The following PHF24 variants were observed in gnomAD, a reference collection of about 807,000 sequenced individuals.
PHF24 encodes PHD finger protein 24.
PHF24 carries 25 observed loss-of-function variants against 42.6 expected under a neutral mutation model. The observed-to-expected ratio is 0.59, with a 90% confidence interval of 0.43 to 0.82. PHF24 has a LOEUF of 0.82. Ranked by LOEUF, PHF24 falls within the 40% of genes least tolerant of loss-of-function variation. The pLI is 0.00. For synonymous variants in PHF24, 185 were observed against 204.8 expected (o/e 0.90, Z 0.83); for missense variants, 470 against 538.1 (o/e 0.87, Z 1.25).
chr9:34,709,307 G>A, the PHF24 span: 92 of 1,524,852 alleles, frequency 6.0e-5, no homozygotes, highest in South Asian at 1.0e-3. Context: ...GGGCCCCTGA[G>A]CATAGCCTCC....
chr9:34,745,485 G>A, the PHF24 span, among the ~76,000 whole-genome samples: 1 of 151,788 alleles, frequency 6.6e-6, no homozygotes, highest in African/African-American at 2.4e-5. Context: ...TACAATAAGA[G>A]GTAGGTAGGT....
chr9:34,952,379 A>T, the PHF24 span, among the ~76,000 whole-genome samples: 1 of 152,226 alleles, frequency 6.6e-6, no homozygotes, highest in Non-Finnish European at 1.5e-5. Context: ...AGGTGACCTA[A>T]CTAAATGGGG....
At chr9:34,730,679 C>T in the PHF24 span, among the ~76,000 whole-genome samples, 1 of 152,240 alleles carries the variant, frequency 6.6e-6, no homozygotes, top group African/African-American at 2.4e-5. Context: ...TCGTAAGGCT[C>T]TGGCCACAAA....
At chr9:34,819,063 T>C in the PHF24 span, among the ~76,000 whole-genome samples, 1 of 152,162 alleles carries the variant, frequency 6.6e-6, no homozygotes, top group African/African-American at 2.4e-5. Flanking sequence ...TTTTATTTAA[T>C]CTGTTAAATT....
At chr9:34,886,663 C>A in the PHF24 span, among the ~76,000 whole-genome samples, 1 of 152,100 alleles carries the variant, frequency 6.6e-6, no homozygotes, top group Non-Finnish European at 1.5e-5. Flanking sequence ...ATTAAAGAGT[C>A]CCAGAGACCA....
At chr9:34,848,194 C>A in the PHF24 span, among the ~76,000 whole-genome samples, 2 of 151,526 alleles carry the variant, frequency 1.3e-5, no homozygotes, top group South Asian at 2.1e-4. Context: ...CCTCCTTGTA[C>A]CTCTGGTAGA....
the PHF24 span, among the ~76,000 whole-genome samples, chr9:34,780,408 C>T: frequency 8.1e-5 from 12 of 148,386 alleles, no homozygotes; most frequent in Admixed American, 2.0e-4. Flanking sequence ...GTGATCTTCC[C>T]GCCTCAGCCT....
the PHF24 span, among the ~76,000 whole-genome samples, chr9:34,761,941 G>A: frequency 7.2e-5 from 11 of 152,144 alleles, no homozygotes; most frequent in East Asian, 1.9e-3. Flanking sequence ...GTGAGAATAT[G>A]CGGTGTTTGG....
chr9:34,674,022 C>T, the PHF24 span, among the ~76,000 whole-genome samples: 1 of 152,196 alleles, frequency 6.6e-6, no homozygotes, highest in Non-Finnish European at 1.5e-5. Flanking sequence ...TCCCAAAGTG[C>T]TGGGATTACA....
the PHF24 span, among the ~76,000 whole-genome samples, chr9:34,768,660 C>T: frequency 1.3e-5 from 2 of 152,266 alleles, no homozygotes; most frequent in East Asian, 3.9e-4. Flanking sequence ...AAACACAAAC[C>T]TAAGGAACAC....
At chr9:34,738,122 T>G in the PHF24 span, among the ~76,000 whole-genome samples, 1 of 152,130 alleles carries the variant, frequency 6.6e-6, no homozygotes, top group Non-Finnish European at 1.5e-5. Flanking sequence ...GCATCAGATA[T>G]GTGAATAAGT....
chr9:34,846,843 T>C, the PHF24 span, among the ~76,000 whole-genome samples: 16 of 152,200 alleles, frequency 1.1e-4, no homozygotes, highest in Non-Finnish European at 2.1e-4. Context: ...CCAGCACCAC[T>C]TATTAAATAG....
the PHF24 span, among the ~76,000 whole-genome samples, chr9:34,790,290 A>G: frequency 2.0e-4 from 30 of 152,366 alleles, no homozygotes; most frequent in Admixed American, 2.0e-3. Context: ...TCACAGAAGC[A>G]TTTCTCGTGT....
chr9:34,769,273 G>A, the PHF24 span, among the ~76,000 whole-genome samples: 432 of 152,078 alleles, frequency 2.8e-3, 2 homozygotes, highest in South Asian at 5.0e-3. Context: ...CCAACACCAC[G>A]CCTGGCTAAT....
At chr9:34,845,308 A>T in the PHF24 span, among the ~76,000 whole-genome samples, 2 of 152,192 alleles carry the variant, frequency 1.3e-5, no homozygotes, top group Admixed American at 1.3e-4. Context: ...TGGAGAATTT[A>T]ATCCATTTAC....
the PHF24 span, among the ~76,000 whole-genome samples, chr9:34,824,986 G>A: frequency 2.6e-5 from 4 of 152,210 alleles, no homozygotes; most frequent in African/African-American, 9.7e-5. Flanking sequence ...AATGGGGTTG[G>A]AGTTGGGTTT....
At chr9:34,836,006 T>A in the PHF24 span, 894 of 671,288 alleles carry the variant, frequency 1.3e-3, no homozygotes, top group Non-Finnish European at 2.0e-3. Flanking sequence ...CAGGGATCTG[T>A]ACATAGGATT....
chr9:34,978,036 C>T, exon 8 of PHF24: 1 of 1,614,146 alleles, frequency 6.2e-7, no homozygotes. Flanking sequence ...GGCCTACCTT[C>T]CTGCAAGAGA....
the PHF24 span, among the ~76,000 whole-genome samples, chr9:34,843,018 G>A: frequency 1.3e-5 from 2 of 152,076 alleles, no homozygotes; most frequent in Non-Finnish European, 2.9e-5. Flanking sequence ...CATTTTTATG[G>A]TGAAGCTTTG....
Sources: allele counts gnomAD v4.1 joint callset (sites outside exome capture counted in the v4.1 genomes callset), GRCh38; gene constraint gnomAD v4.1.1; transcripts MANE v1.5; gene names NCBI Gene and HGNC (gene_info 2026-07-23, HGNC 2026-07-21).